Variants in ATP9A observed in about 807,000 individuals in gnomAD.
ATP9A encodes the protein probable phospholipid-transporting ATPase IIA.
A neutral mutation model predicts 144.1 loss-of-function variants in ATP9A; 52 were observed. That is an observed-to-expected ratio of 0.36 (90% CI 0.29 to 0.45). The LOEUF (loss-of-function observed/expected upper bound fraction) is 0.45. Ranked by LOEUF, ATP9A falls within the 20% of genes least tolerant of loss-of-function variation. The pLI, the probability that ATP9A is intolerant of heterozygous loss-of-function variation, is 1.00. For missense variants in ATP9A, 947 were observed against 1,392.7 expected, an observed-to-expected ratio of 0.68 and a Z score of 5.09; for synonymous variants, 582 against 557.4, an observed-to-expected ratio of 1.04 and a Z score of -0.62.
intron 14 of ATP9A, among the ~76,000 whole-genome samples, chr20:51,652,337 A>G (rs2077370061): frequency 6.6e-6 from 1 of 152,242 alleles, no homozygotes; most frequent in Admixed American, 6.5e-5. Context: ...ACAGGAAACA[A>G]ATTTAGGAAA....
rs185407290 is a variant in ATP9A at position 51,695,952 on chromosome 20, G to C, written c.547+141C>G. ...ACCAACAACACTGTTTAAAAAGCAC[G>C]GTCTATTTAAAAAGATGCTTTTGAT... On this transcript the variant is annotated intron_variant, in intron 6 of 27. Transcript: ENST00000338821. 1.0e-3 allele frequency: 723 copies of C among 705,252 alleles called. 1 individual carries two copies. Among genetic ancestry groups the C allele is most frequent in the Non-Finnish European group, 8.2e-4 (342 of 418,914 alleles). 43.7% of individuals were successfully genotyped at this position (705,252 alleles called of 1,614,324 possible). A position where few individuals can be genotyped will look rare whatever the true frequency, so the allele number is the denominator to read the frequency against.
intron 13 of ATP9A, among the ~76,000 whole-genome samples, chr20:51,665,473 C>T (rs927278523): frequency 6.6e-6 from 1 of 152,100 alleles, no homozygotes; most frequent in African/African-American, 2.4e-5. Flanking sequence ...AATCCCAGCA[C>T]TTTGGGAGGC....
chr20:51,734,449 A>G (rs991671485), intron 1 of ATP9A: 1 of 152,246 alleles, frequency 6.6e-6, no homozygotes, highest in Non-Finnish European at 1.5e-5. Context: ...GGGATAAGCC[A>G]TAAATGAAAT....
At chr20:51,677,593 C>T (rs369591385) in intron 9 of ATP9A, among the ~76,000 whole-genome samples, 1 of 152,170 alleles carries the variant, frequency 6.6e-6, no homozygotes, top group Non-Finnish European at 1.5e-5. Context: ...TTCCTACCTT[C>T]ATTAACTATT....
intron 13 of ATP9A, among the ~76,000 whole-genome samples, chr20:51,659,239 G>C (rs772384112): frequency 6.4e-4 from 98 of 152,046 alleles, no homozygotes; most frequent in Non-Finnish European, 1.0e-3. Context: ...TCACATTTTG[G>C]CAACACCCTG....
rs1054217066 is a variant in ATP9A at position 51,596,595 on chromosome 20, A to G, written c.*4616T>C. Reference sequence around the variant, plus strand: ...GATGGACAATAGTACAAAATAATAAATAACATGCATTGATTTGGGGTTTTT... The same window carrying G: ...GATGGACAATAGTACAAAATAATAAGTAACATGCATTGATTTGGGGTTTTT... On this transcript the variant is annotated 3_prime_UTR_variant, in exon 28 of 28. Coordinates refer to ENST00000338821, the MANE Select transcript of ATP9A (RefSeq NM_006045.3). 7.9e-5 allele frequency: 12 copies of G among 152,196 alleles called. No individual in the cohort carries two copies. Among genetic ancestry groups the G allele is most frequent in the Admixed American group, 7.2e-4 (11 of 15,268 alleles). The allele number at this position is 152,196 out of a possible 1,614,324, so 9.4% of individuals were successfully genotyped here.
Position 51,618,953 on chromosome 20 carries a change from C to T in ATP9A, c.2205+1G>A, listed in dbSNP as rs1324512331. On this transcript the variant is annotated splice_donor_variant, in intron 20 of 27. Transcript: ENST00000338821. LOFTEE classifies it high-confidence loss of function. The stretch of plus-strand genomic sequence containing the variant: ...TGGCTCTCAGGGGTCCCCAAGCTCA[C>T]CTCCAGGGAGTCTCCCGAGATGACC... 2 of 1,614,082 alleles carry T rather than the reference C, an allele frequency of 1.2e-6. No individual in the cohort carries two copies. The highest frequency in any genetic ancestry group is 1.7e-6 in the Non-Finnish European group (2 of 1,179,960).
rs2077137927 is a variant in ATP9A at position 51,600,554 on chromosome 20, C to T, written c.*657G>A. The T allele has an allele frequency of 6.6e-6, 1 of 152,150 alleles. No homozygotes were observed. The highest frequency in any genetic ancestry group is 2.1e-4 in the South Asian group (1 of 4,808). 9.4% of individuals were successfully genotyped at this position (152,150 alleles called of 1,614,324 possible). A position where few individuals can be genotyped will look rare whatever the true frequency, so the allele number is the denominator to read the frequency against. ...ATCAGATCAAGGATAACAGATTGGACTTAGGACACTCTCTCTCCCTCTCCT... is the reference window on the plus strand; with the variant it reads ...ATCAGATCAAGGATAACAGATTGGATTTAGGACACTCTCTCTCCCTCTCCT... On this transcript the variant is annotated 3_prime_UTR_variant, in exon 28 of 28. Transcript: ENST00000338821.
chr20:51,620,871 G>A (rs1403147200), intron 19 of ATP9A, among the ~76,000 whole-genome samples: 1 of 152,144 alleles, frequency 6.6e-6, no homozygotes, highest in Non-Finnish European at 1.5e-5. Flanking sequence ...CTCTAGGCCA[G>A]GCGCGGTGGC....
chr20:51,720,072 T>C (rs1367409668), intron 3 of ATP9A, among the ~76,000 whole-genome samples: 1 of 152,082 alleles, frequency 6.6e-6, no homozygotes, highest in African/African-American at 2.4e-5. Flanking sequence ...AAAAAGAAAG[T>C]TGTAAGAATT....
intron 4 of ATP9A, among the ~76,000 whole-genome samples, chr20:51,704,736 C>T (rs191107799): frequency 6.4e-4 from 98 of 152,256 alleles, no homozygotes; most frequent in African/African-American, 2.1e-3. Context: ...GCCGAGATCG[C>T]GCCATCGCAC....
At chr20:51,699,969 A>G (rs2077586785) in intron 4 of ATP9A, among the ~76,000 whole-genome samples, 1 of 152,122 alleles carries the variant, frequency 6.6e-6, no homozygotes, top group Non-Finnish European at 1.5e-5. Context: ...AAAGCACTCA[A>G]CTAACAATGG....
At position 51,718,814 on chromosome 20, in the gene ATP9A, C is replaced by CAAAAAAAAAAAAAAAAAAAAAAAAAAAA. The variant is rs71192550; in HGVS notation, c.328-5768_328-5741dup. On this transcript the variant is annotated intron_variant, in intron 3 of 27. Coordinates refer to ENST00000338821, the MANE Select transcript of ATP9A (RefSeq NM_006045.3). ...TGGGCAACAGAGCAAGACTCCATCT[C>CAAAAAAAAAAAAAAAAAAAAAAAAAAAA]AAAAAAAAAAAAAAAAAAAAAAAAA... Among the ~76,000 whole-genome samples the CAAAAAAAAAAAAAAAAAAAAAAAAAAAA allele has an allele frequency of 1.6e-4, 9 of 57,690 alleles. 1 individual carries two copies. Among genetic ancestry groups the CAAAAAAAAAAAAAAAAAAAAAAAAAAAA allele is most frequent in the African/African-American group, 3.6e-4 (4 of 11,242 alleles). The allele number at this position is 57,690 out of a possible 152,430, so 37.8% of individuals were successfully genotyped here.
chr20:51,768,354 G>A lies in ATP9A; in HGVS notation c.16C>T (p.Pro6Ser), dbSNP rs938058754. Residue 6 changes from proline to serine, a missense_variant, in exon 1 of 28, where the codon CCG (proline) becomes TCG (serine). Physicochemically the swap from Pro to Ser is moderately conservative, Grantham distance 74. This residue lies in a region of ATP9A where 770 missense variants were observed against 1,047.9 expected (regional missense o/e 0.73). Coordinates refer to ENST00000338821, the MANE Select transcript of ATP9A (RefSeq NM_006045.3). MTDNI[P>S]LQPVRQKKRM... ...TTCTTCTGGCGCACCGGCTGCAGCG[G>A]GATGTTGTCCGTCATGTCGGCGGCG... is the stretch of plus-strand genomic sequence containing the variant. The A allele has an allele frequency of 1.5e-6, 2 of 1,294,098 alleles. No homozygotes were observed. Among genetic ancestry groups the A allele is most frequent in the Non-Finnish European group, 2.0e-6 (2 of 1,010,688 alleles). The allele number at this position is 1,294,098 out of a possible 1,614,324, so 80.2% of individuals were successfully genotyped here. A position where few individuals can be genotyped will look rare whatever the true frequency, so the allele number is the denominator to read the frequency against.
At chr20:51,643,776 T>G (rs938916850) in intron 14 of ATP9A, among the ~76,000 whole-genome samples, 2 of 152,194 alleles carry the variant, frequency 1.3e-5, no homozygotes, top group African/African-American at 4.8e-5. Flanking sequence ...AATATAGCCC[T>G]GTTTTGTCTG....
chr20:51,704,575 G>C (rs1339783558), intron 4 of ATP9A, among the ~76,000 whole-genome samples: 1 of 152,166 alleles, frequency 6.6e-6, no homozygotes, highest in Non-Finnish European at 1.5e-5. Context: ...GTGGTCAGGA[G>C]TTCAAGACCA....
At chr20:51,754,420 T>C (rs1300812968) in intron 1 of ATP9A, among the ~76,000 whole-genome samples, 5 of 151,912 alleles carry the variant, frequency 3.3e-5, no homozygotes, top group South Asian at 2.1e-4. Flanking sequence ...GGAGAATTGC[T>C]TGAACCCAGG....
chr20:51,682,575 A>ATTTTTTTTTTTT (rs2077504448), intron 9 of ATP9A, among the ~76,000 whole-genome samples: 5 of 32,804 alleles, frequency 1.5e-4, no homozygotes, highest in Non-Finnish European at 2.2e-4. Context: ...TTTTCACTGT[A>ATTTTTTTTTTTT]TCTTTTTTTT....
chr20:51,691,567 C>A (rs890454931), intron 7 of ATP9A, among the ~76,000 whole-genome samples: 1 of 152,190 alleles, frequency 6.6e-6, no homozygotes, highest in Non-Finnish European at 1.5e-5. Flanking sequence ...CGCCTCCCAC[C>A]CGTAAGGATG....
Sources: allele counts gnomAD v4.1 joint callset (sites outside exome capture counted in the v4.1 genomes callset), GRCh38; gene constraint gnomAD v4.1.1; regional missense constraint gnomAD v4.1.1; transcripts MANE v1.5; gene names NCBI Gene and HGNC (gene_info 2026-07-23, HGNC 2026-07-21).